Variants in SORL1 observed in about 807,000 individuals in gnomAD.
SORL1 encodes the protein sortilin-related receptor.
A neutral mutation model predicts 273.7 loss-of-function variants in SORL1; 127 were observed. The ratio of observed to expected loss-of-function variants is 0.46; its 90% CI spans 0.40 to 0.54. SORL1 has a LOEUF of 0.54. SORL1 is among the 20% of genes least tolerant of loss of function. SORL1 has a pLI of 0.00. For synonymous variants in SORL1, 1,031 were observed against 1,067.4 expected, an observed-to-expected ratio of 0.97 and a Z score of 0.66; for missense variants, 2,494 against 2,846.1, an observed-to-expected ratio of 0.88 and a Z score of 2.81.
In SORL1 at chr11:121,563,170, G is replaced by A. The variant is rs1862704061; in HGVS notation, c.3049+3513G>A. Among the ~76,000 whole-genome samples, 1 of 152,188 alleles carries A rather than the reference G, an allele frequency of 6.6e-6. No homozygotes were observed. Reference sequence around the variant, plus strand: ...CACTTTTAGTAAGTGGTAAGAATTTGCACTGTGGCCCGTTGACTTCAAAGC... The same window carrying A: ...CACTTTTAGTAAGTGGTAAGAATTTACACTGTGGCCCGTTGACTTCAAAGC... On this transcript the variant is annotated intron_variant, in intron 21 of 47. Coordinates refer to ENST00000260197, the MANE Select transcript of SORL1 (RefSeq NM_003105.6). The surrounding 1 kb of genome is among the most constrained non-coding windows in gnomAD (Gnocchi z 4.2).
chr11:121,584,275 C>T (rs1053116976), intron 26 of SORL1, among the ~76,000 whole-genome samples: 8 of 152,192 alleles, frequency 5.3e-5, no homozygotes, highest in African/African-American at 9.7e-5. Flanking sequence ...TAAAACGTTG[C>T]ATGTTTCCCC....
chr11:121,483,838 G>T (rs1861432487), intron 3 of SORL1, among the ~76,000 whole-genome samples: 1 of 152,154 alleles, frequency 6.6e-6, no homozygotes, highest in African/African-American at 2.4e-5. Context: ...AAATAATAGA[G>T]CTAGGGGAAT....
At chr11:121,477,844 A>G (rs1012315767) in intron 2 of SORL1, among the ~76,000 whole-genome samples, 3 of 152,044 alleles carry the variant, frequency 2.0e-5, no homozygotes, top group Non-Finnish European at 2.9e-5. Context: ...CCTGGCCAAC[A>G]TGGTGAAACC....
At chr11:121,621,990 T>C (rs992028888) in intron 44 of SORL1, among the ~76,000 whole-genome samples, 172 bp from the exon 45 acceptor site, 7 of 152,214 alleles carry the variant, frequency 4.6e-5, no homozygotes, top group Non-Finnish European at 8.8e-5. Flanking sequence ...GAGATGCCAA[T>C]AAAGAATATC....
intron 3 of SORL1, among the ~76,000 whole-genome samples, chr11:121,481,445 A>G (rs1204558106): frequency 3.4e-5 from 4 of 117,566 alleles, no homozygotes; most frequent in Non-Finnish European, 7.1e-5. Context: ...ACAGATACCT[A>G]TAGGCAGGCT....
Position 121,567,048 on chromosome 11 carries a change from C to T in SORL1, c.3158C>T (p.Ser1053Leu), listed in dbSNP as rs758100041. The change falls in exon 22 of 48, where the codon TCA becomes TTA. Residue 1053 changes from serine (S) to leucine (L), a missense_variant. This residue lies in a region of SORL1 where 1,609 missense variants were observed against 1,816.4 expected (regional missense o/e 0.89). Coordinates refer to ENST00000260197, the MANE Select transcript of SORL1 (RefSeq NM_003105.6). ...PEDVSSSVLP[S>L]GDLMCDCPQG... ...GATGTGTCCAGCAGTGTGCTTCCAT[C>T]AGGGGACCTGATGTGTGACTGCCCT... 1.2e-6 allele frequency: 2 copies of T among 1,614,202 alleles called. No homozygotes were observed. Among genetic ancestry groups the T allele is most frequent in the Admixed American group, 1.7e-5 (1 of 60,034 alleles).
At chr11:121,519,402 TTCTC>T (rs954987500) in intron 8 of SORL1, among the ~76,000 whole-genome samples, 3 of 151,780 alleles carry the variant, frequency 2.0e-5, no homozygotes, top group Non-Finnish European at 2.9e-5. Context: ...GAAACCCATA[TTCTC>T]TCTCTCTTTT....
chr11:121,624,926 G>A (rs1157427045), intron 45 of SORL1, among the ~76,000 whole-genome samples, 159 bp from the exon 46 acceptor site: 2 of 152,162 alleles, frequency 1.3e-5, no homozygotes, highest in East Asian at 3.8e-4. Flanking sequence ...TCTGAATCCA[G>A]TATCTCAGTG....
At chr11:121,534,847 C>T (rs1490064384) in intron 12 of SORL1, among the ~76,000 whole-genome samples, 3 of 152,202 alleles carry the variant, frequency 2.0e-5, no homozygotes, top group Non-Finnish European at 2.9e-5. Flanking sequence ...GTTTGGCCTC[C>T]CCAGTCACAG....
At chr11:121,621,764 G>A (rs1179664043) in intron 44 of SORL1, among the ~76,000 whole-genome samples, 3 of 152,294 alleles carry the variant, frequency 2.0e-5, no homozygotes, top group South Asian at 4.1e-4. Context: ...GGGTAATGGA[G>A]GCCCAGCCCC....
chr11:121,565,211 C>T (rs538168369), intron 21 of SORL1, among the ~76,000 whole-genome samples: 1 of 152,306 alleles, frequency 6.6e-6, no homozygotes, highest in African/African-American at 2.4e-5. Flanking sequence ...GTGGACTTCC[C>T]TTCCTCTGGA....
rs897151054 is a variant in SORL1 at position 121,558,619 on chromosome 11, C to G, written c.2692C>G (p.Leu898Val). 6.2e-7 allele frequency: 1 copy of G among 1,614,066 alleles called. No individual in the cohort carries two copies. The highest frequency in any genetic ancestry group is 8.5e-7 in the Non-Finnish European group (1 of 1,180,022). ...GATGTTCTGGACAGACTGGGGAGAC[C>G]TGAAGCCTGGGATTTATCGGAGCAA... ...GVMFWTDWGD[L>V]KPGIYRSNMD... is the part of the protein sequence containing the mutation. Residue 898 changes from leucine (L) to valine (V), a missense_variant, in exon 20 of 48, where the codon CTG (leucine) becomes GTG (valine). Leu to Val is a conservative substitution (Grantham distance 32, BLOSUM62 1). Around this residue, in one of 3 missense-constraint regions of SORL1, gnomAD observed 1,609 missense variants for 1,816.4 expected, o/e 0.89. Coordinates refer to ENST00000260197, the MANE Select transcript of SORL1 (RefSeq NM_003105.6).
chr11:121,497,002 A>G lies in SORL1; in HGVS notation c.892A>G (p.Arg298Gly), dbSNP rs753375302. The change falls in exon 6 of 48, where the codon AGA (arginine) becomes GGA (glycine). Residue 298 changes from arginine (R) to glycine (G), a missense_variant. This residue lies in a region of SORL1 where 710 missense variants were observed against 882.5 expected (regional missense o/e 0.80). Coordinates refer to ENST00000260197, the MANE Select transcript of SORL1 (RefSeq NM_003105.6). ...CCAGGAAGTGATCCTTGAGGAAGTG[A>G]GAGATTTTCAGCTTCGGGACAAGTA... ...ENQEVILEEV[R>G]DFQLRDKYMF... 2 of 1,614,154 alleles carry G rather than the reference A, an allele frequency of 1.2e-6. No homozygotes were observed. The highest frequency in any genetic ancestry group is 2.2e-5 in the South Asian group (2 of 91,084).
intron 3 of SORL1, among the ~76,000 whole-genome samples, chr11:121,480,278 A>G (rs1330546444): frequency 2.0e-5 from 3 of 152,176 alleles, no homozygotes; most frequent in African/African-American, 7.2e-5. Flanking sequence ...TATGTTCTAC[A>G]TGATAAATAC....
intron 35 of SORL1, among the ~76,000 whole-genome samples, 160 bp downstream of exon 35, chr11:121,605,731 TCTGTTCTTCTTA>T (rs1395835866): frequency 6.6e-6 from 1 of 152,226 alleles, no homozygotes; most frequent in Non-Finnish European, 1.5e-5. Context: ...TTGTCAAACA[TCTGTTCTTCTTA>T]CTGCATCAGA....
chr11:121,605,378 T>C (rs1271780342), intron 34 of SORL1, 24 bp from the exon 35 acceptor site: 2 of 1,603,386 alleles, frequency 1.2e-6, no homozygotes, highest in Non-Finnish European at 8.5e-7. Context: ...AGTGTGACAA[T>C]ATCTTTATTT....
In SORL1 at chr11:121,550,764, T is replaced by A; in HGVS notation, c.2266+94T>A. The A allele has an allele frequency of 1.1e-6, 1 of 926,812 alleles. No individual in the cohort carries two copies. The highest frequency in any genetic ancestry group is 1.6e-6 in the Non-Finnish European group (1 of 610,504). The allele number at this position is 926,812 out of a possible 1,614,324, so 57.4% of individuals were successfully genotyped here. On this transcript the variant is annotated intron_variant, in intron 16 of 47. Transcript: ENST00000260197. This position sits in a 1 kb window ranked among gnomAD's most constrained non-coding sequence, Gnocchi z 5.3. ...AGTCCGGGCTTGTGGCTCCTTTAAT[T>A]GAGTGGAGAAAAACAATGGCCGTCA...
chr11:121,568,777 G>A (rs1205918227), intron 22 of SORL1, among the ~76,000 whole-genome samples: 1 of 152,206 alleles, frequency 6.6e-6, no homozygotes, highest in East Asian at 1.9e-4. Context: ...GACTCAACTG[G>A]TATTGTGGTT....
chr11:121,519,804 G>A (rs1862011980), intron 8 of SORL1, among the ~76,000 whole-genome samples: 2 of 152,130 alleles, frequency 1.3e-5, no homozygotes, highest in East Asian at 3.9e-4. Context: ...CTCACTGGAG[G>A]ATTTGGAGTC....
Sources: gnomAD v4.1 joint callset for allele counts (sites outside exome capture counted in the v4.1 genomes callset) on GRCh38, gnomAD v4.1.1 for gene constraint, gnomAD v4.1.1 regional missense constraint, Gnocchi (gnomAD v3.1) non-coding constraint, MANE v1.5 for transcripts, NCBI Gene and HGNC (gene_info 2026-07-23, HGNC 2026-07-21) for gene names.